CCDC148: variants seen among roughly 807,000 people sequenced by gnomAD.
The protein encoded by CCDC148 is coiled-coil domain-containing protein 148.
CCDC148 carries 89 observed loss-of-function variants against 85.7 expected under a neutral mutation model. The ratio of observed to expected loss-of-function variants is 1.04; its 90% CI spans 0.87 to 1.24. The LOEUF (loss-of-function observed/expected upper bound fraction) is 1.24, where lower values mean the gene tolerates loss of function less well. Among genes scored for constraint, CCDC148 ranks in the 50% most tolerant of loss-of-function variants. The pLI is 0.00. For missense variants in CCDC148, 692 were observed against 671.7 expected, an observed-to-expected ratio of 1.03 and a Z score of -0.33; for synonymous variants, 230 against 213.9, an observed-to-expected ratio of 1.08 and a Z score of -0.66.
chr2:158,398,274 G>A (rs1304195915), intron 1 of CCDC148, among the ~76,000 whole-genome samples: 1 of 152,068 alleles, frequency 6.6e-6, no homozygotes, highest in Non-Finnish European at 1.5e-5. Flanking sequence ...GGACCAAGCA[G>A]ACCTAATAGA....
At chr2:158,419,732 G>C (rs573899376) in intron 1 of CCDC148, among the ~76,000 whole-genome samples, 88 of 152,168 alleles carry the variant, frequency 5.8e-4, no homozygotes, top group African/African-American at 2.0e-3. Flanking sequence ...GTGAGAAAGG[G>C]GATAGATGTC....
At chr2:158,351,864 C>T (rs1283520834) in intron 2 of CCDC148, among the ~76,000 whole-genome samples, 1 of 150,446 alleles carries the variant, frequency 6.6e-6, no homozygotes, top group Non-Finnish European at 1.5e-5. Context: ...TCTCCCAGCA[C>T]ACAGCTGGAG....
At chr2:158,303,129 T>C (rs1691524829) in intron 9 of CCDC148, among the ~76,000 whole-genome samples, 1 of 152,150 alleles carries the variant, frequency 6.6e-6, no homozygotes, top group African/African-American at 2.4e-5. Flanking sequence ...TCATCTAAAT[T>C]ACCCCCCAAA....
In CCDC148 at chr2:158,325,996, A is replaced by AT. The variant is rs145246595; in HGVS notation, c.765-12103dup. 3.4e-4 allele frequency among the ~76,000 whole-genome samples: 52 copies of AT among 152,170 alleles called. No homozygotes were observed. The East Asian group carries it at 7.7e-3, about 23-fold the overall frequency. The stretch of plus-strand genomic sequence containing the variant: ...AGTGATTCTGCTAAACATAAGTCTG[A>AT]TTTTGTCACTCTGCTCACTTCTGCT... On this transcript the variant is annotated intron_variant, in intron 7 of 13. Transcript: ENST00000283233.
At chr2:158,401,187 A>C (rs980094019) in intron 1 of CCDC148, among the ~76,000 whole-genome samples, 6 of 152,158 alleles carry the variant, frequency 3.9e-5, no homozygotes, top group African/African-American at 7.2e-5. Context: ...TTGACCCAGC[A>C]ATCCCATTAC....
chr2:158,369,311 A>C (rs1016512858), intron 1 of CCDC148, among the ~76,000 whole-genome samples: 2 of 152,020 alleles, frequency 1.3e-5, no homozygotes, highest in African/African-American at 4.8e-5. Context: ...ATGAGCATGG[A>C]ATGTTTTTCC....
At chr2:158,311,477 G>GGGAGATGGGGAGACCGT (rs1692015400) in intron 8 of CCDC148, among the ~76,000 whole-genome samples, 1 of 152,048 alleles carries the variant, frequency 6.6e-6, no homozygotes, top group Non-Finnish European at 1.5e-5. Context: ...ATGGAGACGA[G>GGGAGATGGGGAGACCGT]GGAGAGGGGG....
At chr2:158,261,388 C>T (rs1267641586) in intron 9 of CCDC148, among the ~76,000 whole-genome samples, 1 of 151,862 alleles carries the variant, frequency 6.6e-6, no homozygotes, top group Non-Finnish European at 1.5e-5. Context: ...CTAAAGACTG[C>T]AATATAAAAC....
intron 13 of CCDC148, 135 bp from the exon 14 acceptor site, chr2:158,172,394 TG>T: frequency 1.5e-6 from 1 of 662,096 alleles, no homozygotes; most frequent in Non-Finnish European, 2.6e-6. Flanking sequence ...GTGAATACAG[TG>T]ACTATATTTT....
chr2:158,379,883 T>G (rs1294550607), intron 1 of CCDC148, among the ~76,000 whole-genome samples: 1 of 152,168 alleles, frequency 6.6e-6, no homozygotes, highest in Non-Finnish European at 1.5e-5. Flanking sequence ...GCCACTTTCT[T>G]TATTGCAATA....
chr2:158,250,939 C>A (rs1394816427), intron 9 of CCDC148, 27 bp from the exon 10 acceptor site: 2 of 1,586,170 alleles, frequency 1.3e-6, no homozygotes, highest in East Asian at 2.2e-5. Context: ...AACTTCATTC[C>A]AGTAACTATG....
chr2:158,284,145 G>C (rs1182176755), intron 9 of CCDC148, among the ~76,000 whole-genome samples: 2 of 126,908 alleles, frequency 1.6e-5, no homozygotes, highest in Non-Finnish European at 3.3e-5. Flanking sequence ...GGGAGGGGGA[G>C]GGATAGCATT....
intron 7 of CCDC148, among the ~76,000 whole-genome samples, chr2:158,317,776 T>A (rs1006064348): frequency 6.6e-6 from 1 of 152,212 alleles, no homozygotes; most frequent in African/African-American, 2.4e-5. Flanking sequence ...AAACTAAACA[T>A]TGTGGTTACA....
intron 1 of CCDC148, among the ~76,000 whole-genome samples, chr2:158,442,463 A>G (rs941169563): frequency 1.3e-5 from 2 of 152,230 alleles, no homozygotes; most frequent in African/African-American, 4.8e-5. Flanking sequence ...TCACGTTTCA[A>G]ACAGGAAATG....
At chr2:158,394,759 G>T (rs1282915242) in intron 1 of CCDC148, among the ~76,000 whole-genome samples, 1 of 151,948 alleles carries the variant, frequency 6.6e-6, no homozygotes, top group Non-Finnish European at 1.5e-5. Flanking sequence ...TCTCCTTGAG[G>T]TAATCACAGA....
intron 3 of CCDC148, among the ~76,000 whole-genome samples, chr2:158,341,311 T>A (rs1367519240): frequency 2.7e-3 from 10 of 3,720 alleles, no homozygotes; most frequent in Admixed American, 5.4e-3. Flanking sequence ...ACATACATAT[T>A]TTTTTTTTTT....
chr2:158,444,194 C>T (rs939947284), intron 1 of CCDC148, among the ~76,000 whole-genome samples: 1 of 150,502 alleles, frequency 6.6e-6, no homozygotes, highest in East Asian at 1.9e-4. Flanking sequence ...TAGTCACATG[C>T]ATACACACAC....
chr2:158,393,589 G>T (rs1020572695), intron 1 of CCDC148, among the ~76,000 whole-genome samples: 2 of 152,050 alleles, frequency 1.3e-5, no homozygotes, highest in African/African-American at 4.8e-5. Flanking sequence ...GGGCCAAGTG[G>T]GCAGACTCAG....
intron 10 of CCDC148, among the ~76,000 whole-genome samples, chr2:158,229,086 C>T (rs1687719155): frequency 1.3e-5 from 2 of 152,142 alleles, no homozygotes; most frequent in Non-Finnish European, 2.9e-5. Context: ...ATCAACTTCA[C>T]CATCTGTCTG....
Sources: allele counts gnomAD v4.1 joint callset (sites outside exome capture counted in the v4.1 genomes callset), GRCh38; gene constraint gnomAD v4.1.1; transcripts MANE v1.5; gene names NCBI Gene and HGNC (gene_info 2026-07-23, HGNC 2026-07-21).